The following SCAF8 variants were observed in gnomAD, a reference collection of about 807,000 sequenced individuals.
SCAF8 encodes SR-related and CTD-associated factor 8.
Under a neutral mutation model 140.5 loss-of-function variants are expected in SCAF8, and 23 were observed. The ratio of observed to expected loss-of-function variants is 0.16; its 90% CI spans 0.12 to 0.23. The LOEUF is 0.23. Among genes scored for constraint, SCAF8 ranks in the 10% least tolerant of loss-of-function variants. The pLI, the probability that SCAF8 is intolerant of heterozygous loss-of-function variation, is 1.00. For missense variants in SCAF8, 1,397 were observed against 1,555.7 expected, an observed-to-expected ratio of 0.90 and a Z score of 1.72; for synonymous variants, 575 against 528.9, an observed-to-expected ratio of 1.09 and a Z score of -1.20.
At chr6:154,739,294 A>C (rs563995100) in intron 1 of SCAF8, among the ~76,000 whole-genome samples, 1 of 152,320 alleles carries the variant, frequency 6.6e-6, no homozygotes, top group South Asian at 2.1e-4. Flanking sequence ...CCCTGGCCAG[A>C]TTCTTTTAAA....
At position 154,772,708 on chromosome 6, in the gene SCAF8, C is replaced by A. The variant is rs145609429; in HGVS notation, c.31-1281C>A. ...TGTCTCAATCAATCAATCAATCAAT[C>A]AATAAAGTGGGGGATGGGGTGGGAT... On this transcript the variant is annotated intron_variant, in intron 1 of 19. Transcript: ENST00000367178. Among the ~76,000 whole-genome samples, 331 of 152,156 alleles carry A rather than the reference C, an allele frequency of 2.2e-3. 1 individual carries two copies. The highest frequency in any genetic ancestry group is 7.0e-3 in the African/African-American group (292 of 41,514).
At position 154,733,551 on chromosome 6, in the gene SCAF8, G is replaced by A; in HGVS notation, c.-350G>A. The A allele has an allele frequency of 1.6e-6, 2 of 1,289,614 alleles. No individual in the cohort carries two copies. Among genetic ancestry groups the A allele is most frequent in the South Asian group, 4.8e-5 (2 of 41,858 alleles). The allele number at this position is 1,289,614 out of a possible 1,614,324, so 79.9% of individuals were successfully genotyped here. ...GAAGGGGCAGAAGGGAGTGGAGAGT[G>A]TAGGGGAAGGGGCTAGAGGGAGGGG... On this transcript the variant is annotated 5_prime_UTR_variant, in exon 1 of 20. Coordinates refer to ENST00000367178, the MANE Select transcript of SCAF8 (RefSeq NM_014892.5).
intron 3 of SCAF8, among the ~76,000 whole-genome samples, chr6:154,784,792 A>G (rs557870361): frequency 6.6e-6 from 1 of 152,258 alleles, no homozygotes; most frequent in Non-Finnish European, 1.5e-5. Context: ...CCCCAAGGCT[A>G]CTGAAGGACA....
intron 1 of SCAF8, among the ~76,000 whole-genome samples, chr6:154,737,369 A>G (rs1466265074): frequency 1.3e-5 from 2 of 152,208 alleles, no homozygotes; most frequent in Non-Finnish European, 2.9e-5. Flanking sequence ...ATATTTTGAT[A>G]CTTCACCTTA....
intron 1 of SCAF8, among the ~76,000 whole-genome samples, chr6:154,744,087 G>GT (rs1433759209): frequency 6.6e-6 from 1 of 152,228 alleles, no homozygotes; most frequent in African/African-American, 2.4e-5. Flanking sequence ...GAGGTCAGGA[G>GT]TTTGAGACCA....
chr6:154,818,398 T>A (rs1778317171), intron 13 of SCAF8, 81 bp from the exon 14 acceptor site: 2 of 597,502 alleles, frequency 3.3e-6, no homozygotes, highest in Non-Finnish European at 5.6e-6. Context: ...AAGTAGTCAA[T>A]GTTTTGTGTC....
At chr6:154,775,643 A>G (rs927677976) in intron 2 of SCAF8, among the ~76,000 whole-genome samples, 20 of 152,312 alleles carry the variant, frequency 1.3e-4, no homozygotes, top group African/African-American at 3.6e-4. Flanking sequence ...AGTGGGACAC[A>G]TCGTTAGTCC....
chr6:154,791,160 ATT>A (rs1348773765), intron 4 of SCAF8, among the ~76,000 whole-genome samples: 1 of 152,250 alleles, frequency 6.6e-6, no homozygotes, highest in African/African-American at 2.4e-5. Flanking sequence ...TTTTCTGCCT[ATT>A]AAGTTTGAAG....
intron 1 of SCAF8, among the ~76,000 whole-genome samples, chr6:154,757,788 T>A (rs925816886): frequency 6.6e-6 from 1 of 152,180 alleles, no homozygotes; most frequent in East Asian, 1.9e-4. Flanking sequence ...TCTGGATGAT[T>A]ATAACTGCTT....
At chr6:154,766,899 A>C (rs1412947657) in intron 1 of SCAF8, among the ~76,000 whole-genome samples, 1 of 151,966 alleles carries the variant, frequency 6.6e-6, no homozygotes, top group South Asian at 2.1e-4. Context: ...CACAGCATTG[A>C]CAATCCTTTT....
intron 4 of SCAF8, among the ~76,000 whole-genome samples, chr6:154,789,647 G>A (rs549099149): frequency 3.3e-5 from 5 of 149,678 alleles, no homozygotes; most frequent in African/African-American, 7.4e-5. Flanking sequence ...CCAGGTTCAC[G>A]CCATTCTCCT....
chr6:154,805,730 T>C (rs987011986), intron 9 of SCAF8, among the ~76,000 whole-genome samples: 2 of 152,124 alleles, frequency 1.3e-5, no homozygotes, highest in Non-Finnish European at 2.9e-5. Flanking sequence ...AATTGTGTTC[T>C]GGTAACTTAT....
In SCAF8 at chr6:154,797,334, T is replaced by C. The variant is rs959357393; in HGVS notation, c.606+2195T>C. ...TCCTCTAAATAGCTTTTGATCCCTT[T>C]GCTGCTTCTCTTTCCTTTTTGATCC... On this transcript the variant is annotated intron_variant, in intron 6 of 19. Coordinates refer to ENST00000367178, the MANE Select transcript of SCAF8 (RefSeq NM_014892.5). Among the ~76,000 whole-genome samples the C allele has an allele frequency of 2.6e-5, 4 of 151,524 alleles. 1 individual carries two copies. The highest frequency in any genetic ancestry group is 5.9e-5 in the Non-Finnish European group (4 of 67,782).
intron 2 of SCAF8, among the ~76,000 whole-genome samples, chr6:154,776,214 T>G (rs2114849592): frequency 6.6e-6 from 1 of 152,170 alleles, no homozygotes; most frequent in African/African-American, 2.4e-5. Context: ...GTTTTTTTTT[T>G]GTGACATTGA....
At chr6:154,808,435 A>G (rs543774832) in intron 10 of SCAF8, among the ~76,000 whole-genome samples, 18 of 150,472 alleles carry the variant, frequency 1.2e-4, no homozygotes, top group African/African-American at 4.2e-4. Context: ...ACTTTCTTAA[A>G]ACAATATGAG....
At position 154,804,291 on chromosome 6, in the gene SCAF8, A is replaced by C. The variant is rs145149581; in HGVS notation, c.863+668A>C. Among the ~76,000 whole-genome samples the C allele has an allele frequency of 5.7e-3, 862 of 152,262 alleles. 12 individuals are homozygous for C. Among genetic ancestry groups the C allele is most frequent in the African/African-American group, 0.02 (817 of 41,544 alleles). ...GTAATAAACAAAAACATAATTTTAG[A>C]ATATGTTAGATACAAATGTATCATT... On this transcript the variant is annotated intron_variant, in intron 8 of 19. Coordinates refer to ENST00000367178, the MANE Select transcript of SCAF8 (RefSeq NM_014892.5).
intron 13 of SCAF8, among the ~76,000 whole-genome samples, chr6:154,818,146 T>G (rs1002429924): frequency 3.9e-5 from 6 of 152,252 alleles, no homozygotes; most frequent in Non-Finnish European, 8.8e-5. Context: ...CTGGTGGTAT[T>G]ATGTATACGA....
intron 1 of SCAF8, among the ~76,000 whole-genome samples, chr6:154,734,990 G>T (rs2114780550): frequency 6.6e-6 from 1 of 152,204 alleles, no homozygotes; most frequent in Middle Eastern, 3.4e-3. Context: ...TGGGCGTAGT[G>T]GCAGGCACCT....
At chr6:154,795,284 A>G (rs1448781473) in intron 6 of SCAF8, 145 bp downstream of exon 6, 1 of 606,302 alleles carries the variant, frequency 1.6e-6, no homozygotes, top group Non-Finnish European at 2.6e-6. Context: ...TTACTTACTT[A>G]AGTCATTTAA....
Sources: gnomAD v4.1 joint callset for allele counts (sites outside exome capture counted in the v4.1 genomes callset) on GRCh38, gnomAD v4.1.1 for gene constraint, MANE v1.5 for transcripts, NCBI Gene and HGNC (gene_info 2026-07-23, HGNC 2026-07-21) for gene names.